DCDC2: variants seen among roughly 807,000 people sequenced by gnomAD.
DCDC2 encodes the protein doublecortin domain-containing protein 2.
A neutral mutation model predicts 50.2 loss-of-function variants in DCDC2; 40 were observed. The ratio of observed to expected loss-of-function variants is 0.80; its 90% CI spans 0.62 to 1.04. The LOEUF is 1.04. Ranked by LOEUF, DCDC2 falls within the 50% of genes least tolerant of loss-of-function variation. The pLI, the probability that DCDC2 is intolerant of heterozygous loss-of-function variation, is 0.00. For synonymous variants in DCDC2, 234 were observed against 210.6 expected, an observed-to-expected ratio of 1.11 and a Z score of -0.96; for missense variants, 570 against 581.9, an observed-to-expected ratio of 0.98 and a Z score of 0.21.
intron 2 of DCDC2, among the ~76,000 whole-genome samples, chr6:24,319,467 T>C (rs1436068934): frequency 1.3e-5 from 2 of 152,174 alleles, no homozygotes; most frequent in Non-Finnish European, 2.9e-5. Context: ...TGTCTACTTT[T>C]GTTTTGTTTT....
chr6:24,210,359 A>G (rs775371589), intron 7 of DCDC2, among the ~76,000 whole-genome samples: 1 of 152,172 alleles, frequency 6.6e-6, no homozygotes, highest in South Asian at 2.1e-4. Context: ...TTGGATGTCC[A>G]ATAGGCACCT....
chr6:24,311,267 G>T (rs573144785), intron 2 of DCDC2, among the ~76,000 whole-genome samples: 1 of 152,110 alleles, frequency 6.6e-6, no homozygotes, highest in Non-Finnish European at 1.5e-5. Context: ...AAATCATTTT[G>T]TCTGAACTTT....
intron 2 of DCDC2, among the ~76,000 whole-genome samples, chr6:24,344,168 G>C (rs1207000810): frequency 6.6e-6 from 1 of 151,474 alleles, no homozygotes; most frequent in Admixed American, 6.6e-5. Context: ...TTTCTTCTAT[G>C]AGTTTGACTT....
At chr6:24,179,391 CA>C (rs1761001285) in intron 8 of DCDC2, among the ~76,000 whole-genome samples, 3 of 147,552 alleles carry the variant, frequency 2.0e-5, no homozygotes, top group East Asian at 2.0e-4. Context: ...ACTAAAAATA[CA>C]AAAAAATTAG....
chr6:24,272,407 A>G (rs1032808796), intron 7 of DCDC2, among the ~76,000 whole-genome samples: 1 of 152,228 alleles, frequency 6.6e-6, no homozygotes. Flanking sequence ...TATATCCCAC[A>G]GTACACATTG....
At chr6:24,176,884 A>G (rs1334756733) in intron 9 of DCDC2, among the ~76,000 whole-genome samples, 2 of 152,188 alleles carry the variant, frequency 1.3e-5, no homozygotes, top group Non-Finnish European at 2.9e-5. Context: ...TTGGTTGGCT[A>G]ATTTCACTTA....
intron 2 of DCDC2, among the ~76,000 whole-genome samples, chr6:24,337,846 C>T (rs546954196): frequency 6.6e-6 from 1 of 151,580 alleles, no homozygotes; most frequent in Non-Finnish European, 1.5e-5. Flanking sequence ...TATTTTATCC[C>T]TTTTCTGGAT....
At chr6:24,291,374 T>C (rs375317056) in intron 4 of DCDC2, among the ~76,000 whole-genome samples, 3 of 152,294 alleles carry the variant, frequency 2.0e-5, no homozygotes, top group East Asian at 3.9e-4. Context: ...TGCTGCCATA[T>C]TAAAATTTTA....
the DCDC2 span, among the ~76,000 whole-genome samples, chr6:24,368,083 G>A: frequency 3.3e-5 from 5 of 151,706 alleles, no homozygotes; most frequent in African/African-American, 1.2e-4. Context: ...AACTAAAACA[G>A]TATATTCAGA....
chr6:24,204,526 T>A (rs1359470531), intron 8 of DCDC2, among the ~76,000 whole-genome samples: 1 of 152,092 alleles, frequency 6.6e-6, no homozygotes, highest in Non-Finnish European at 1.5e-5. Context: ...TTAGGAGAAA[T>A]GCCTAATGTA....
chr6:24,227,781 C>T (rs1230354005), intron 7 of DCDC2, among the ~76,000 whole-genome samples: 2 of 152,174 alleles, frequency 1.3e-5, no homozygotes, highest in Non-Finnish European at 2.9e-5. Flanking sequence ...CCCTGCCTGA[C>T]CAATATTCAC....
In DCDC2 at chr6:24,318,780, C is replaced by CGTGTGTGTGT. The variant is rs57175093; in HGVS notation, c.349-16746_349-16737dup. Among the ~76,000 whole-genome samples the CGTGTGTGTGT allele has an allele frequency of 1.6e-3, 236 of 149,658 alleles. 1 individual carries two copies. The highest frequency in any genetic ancestry group is 4.8e-3 in the African/African-American group (195 of 40,582). On this transcript the variant is annotated intron_variant, in intron 2 of 9. Transcript: ENST00000378454. ...AATAATATTCCGTTTTATATACGTA[C>CGTGTGTGTGT]GTGTGTGTGTGTGTGTGTGTATTAT...
At chr6:24,333,518 C>T (rs1479720569) in intron 2 of DCDC2, among the ~76,000 whole-genome samples, 1 of 152,160 alleles carries the variant, frequency 6.6e-6, no homozygotes, top group Non-Finnish European at 1.5e-5. Context: ...ATCTCTAGTG[C>T]AGCCTGATAT....
intron 7 of DCDC2, among the ~76,000 whole-genome samples, chr6:24,277,647 C>T (rs139882022): frequency 6.6e-6 from 1 of 152,010 alleles, no homozygotes; most frequent in Non-Finnish European, 1.5e-5. Flanking sequence ...GTATAATTAA[C>T]AAAATGACTT....
At position 24,238,259 on chromosome 6, in the gene DCDC2, A is replaced by C. The variant is rs551702113; in HGVS notation, c.923-33157T>G. Among the ~76,000 whole-genome samples the C allele has an allele frequency of 2.7e-5, 4 of 145,940 alleles. No homozygotes were observed. The East Asian group carries it at 8.4e-4, about 30-fold the overall frequency. ...GGTGTAATCATCCCTGCACAAGTCA[A>C]ACCACATCTTGGACACTTGTGTTTC... On this transcript the variant is annotated intron_variant, in intron 7 of 9. Transcript: ENST00000378454.
intron 7 of DCDC2, among the ~76,000 whole-genome samples, chr6:24,248,408 T>A (rs1393675990): frequency 6.6e-6 from 1 of 152,202 alleles, no homozygotes; most frequent in Non-Finnish European, 1.5e-5. Flanking sequence ...AGTAGCTGCT[T>A]CATGGCACTG....
intron 7 of DCDC2, among the ~76,000 whole-genome samples, chr6:24,275,121 A>G (rs1372297383): frequency 6.6e-6 from 1 of 152,194 alleles, no homozygotes; most frequent in Non-Finnish European, 1.5e-5. Flanking sequence ...ATGAGGAATA[A>G]GAGCCCTCTT....
At chr6:24,348,259 A>G (rs980854731) in intron 2 of DCDC2, among the ~76,000 whole-genome samples, 1 of 152,228 alleles carries the variant, frequency 6.6e-6, no homozygotes, top group African/African-American at 2.4e-5. Flanking sequence ...GATCAGTTCT[A>G]GATTGGTTTC....
At chr6:24,303,371 C>T (rs1459564064) in intron 2 of DCDC2, among the ~76,000 whole-genome samples, 2 of 152,096 alleles carry the variant, frequency 1.3e-5, no homozygotes, top group African/African-American at 2.4e-5. Flanking sequence ...CTCCTCGTCA[C>T]GCACTGTAGT....
Sources: gnomAD v4.1 joint callset for allele counts (sites outside exome capture counted in the v4.1 genomes callset) on GRCh38, gnomAD v4.1.1 for gene constraint, MANE v1.5 for transcripts, NCBI Gene and HGNC (gene_info 2026-07-23, HGNC 2026-07-21) for gene names.